The following PDS5A variants were observed in gnomAD, a reference collection of about 807,000 sequenced individuals.
The protein encoded by PDS5A is sister chromatid cohesion protein PDS5 homolog A.
In PDS5A, 42 loss-of-function variants were observed where a neutral mutation model predicts 167.1. The observed-to-expected ratio is 0.25, with a 90% confidence interval of 0.20 to 0.33. The LOEUF (loss-of-function observed/expected upper bound fraction) is 0.33. PDS5A is among the 10% of genes least tolerant of loss of function. The pLI, the probability that PDS5A is intolerant of heterozygous loss-of-function variation, is 1.00. For missense variants in PDS5A, 1,033 were observed against 1,605.9 expected (o/e 0.64, Z 6.10); for synonymous variants, 553 against 554.6 (o/e 1.00, Z 0.04).
chr4:39,838,232 A>G (rs1474392058), intron 31 of PDS5A, 24 bp from the exon 32 acceptor site: 3 of 1,390,368 alleles, frequency 2.2e-6, no homozygotes, highest in South Asian at 2.8e-5. Flanking sequence ...AAACAATTCT[A>G]TAAACACAAA....
At chr4:39,868,363 C>T (rs1719733344) in intron 22 of PDS5A, among the ~76,000 whole-genome samples, 1 of 152,112 alleles carries the variant, frequency 6.6e-6, no homozygotes, top group Non-Finnish European at 1.5e-5. Context: ...GAGTTTCACT[C>T]TGTTGCCCAA....
intron 9 of PDS5A, among the ~76,000 whole-genome samples, chr4:39,912,973 A>G (rs1439833637): frequency 6.6e-6 from 1 of 152,210 alleles, no homozygotes; most frequent in African/African-American, 2.4e-5. Flanking sequence ...AAAAGTTGGT[A>G]GGCTGACAAA....
intron 2 of PDS5A, among the ~76,000 whole-genome samples, chr4:39,942,992 A>G (rs762484409): frequency 6.6e-6 from 1 of 152,108 alleles, no homozygotes; most frequent in Admixed American, 6.6e-5. Context: ...ACACTAAGAC[A>G]TATGTACAAG....
At chr4:39,875,281 C>T (rs1020939172) in intron 19 of PDS5A, among the ~76,000 whole-genome samples, 1 of 151,764 alleles carries the variant, frequency 6.6e-6, no homozygotes, top group African/African-American at 2.4e-5. Context: ...AAAAAATAGA[C>T]AAACACATCT....
Position 39,920,346 on chromosome 4 carries a change from G to A in PDS5A, c.708C>T (p.Val236=). 1 of 1,546,458 alleles carries A rather than the reference G, an allele frequency of 6.5e-7. No homozygotes were observed. The highest frequency in any genetic ancestry group is 8.9e-7 in the Non-Finnish European group (1 of 1,122,404). ...TAGCAATGCATGCCTCAATAGTCTG[G>A]ACTGTTCTTTTCAATAGCACTTTTG... ...DLAKVLLKRT[V]QTIEACIANF... is the part of the protein sequence containing the mutation. Residue 236 remains valine (V), a synonymous_variant, in exon 7 of 33, where the codon GTC becomes GTT. Coordinates refer to ENST00000303538, the MANE Select transcript of PDS5A (RefSeq NM_001100399.2).
intron 2 of PDS5A, among the ~76,000 whole-genome samples, chr4:39,965,946 G>T (rs891953825): frequency 6.6e-6 from 1 of 152,118 alleles, no homozygotes; most frequent in South Asian, 2.1e-4. Flanking sequence ...TTTATGTTAT[G>T]TATATTTTAC....
At chr4:39,842,909 T>TTTTATATATATATATATATATATATATA (rs751901010) in intron 30 of PDS5A, among the ~76,000 whole-genome samples, 2 of 92,302 alleles carry the variant, frequency 2.2e-5, no homozygotes, top group Admixed American at 1.1e-4. Context: ...TATCCTATTT[T>TTTTATATATATATATATATATATATATA]TATATATATA....
Position 39,948,651 on chromosome 4 carries a change from G to T in PDS5A, c.139-20487C>A, listed in dbSNP as rs1169835395. On this transcript the variant is annotated intron_variant, in intron 2 of 32. Transcript: ENST00000303538. ...TTTTTTTTTTTTTTTTAAAGACCGA[G>T]TCTCACTCTGCTGCCCAGGCTGGAG... Among the ~76,000 whole-genome samples, 24 of 137,062 alleles carry T rather than the reference G, an allele frequency of 1.8e-4. No individual in the cohort carries two copies. In the Admixed American group the frequency reaches 1.9e-3, roughly 11 times the overall value. 89.9% of individuals were successfully genotyped at this position (137,062 alleles called of 152,430 possible).
At chr4:39,901,266 CTTTTTT>C (rs772230554) in intron 13 of PDS5A, among the ~76,000 whole-genome samples, 12 of 121,290 alleles carry the variant, frequency 9.9e-5, no homozygotes, top group African/African-American at 3.8e-4. Context: ...TCTTTTCTTT[CTTTTTT>C]TTTTTTTTTT....
chr4:39,969,228 A>C (rs1157603685), intron 2 of PDS5A, among the ~76,000 whole-genome samples: 1 of 152,216 alleles, frequency 6.6e-6, no homozygotes, highest in African/African-American at 2.4e-5. Flanking sequence ...GCTTTAGGTG[A>C]CTAGCGTTGT....
intron 32 of PDS5A, 55 bp from the exon 33 acceptor site, chr4:39,825,543 C>T: frequency 3.8e-6 from 5 of 1,323,630 alleles, no homozygotes; most frequent in Non-Finnish European, 5.1e-6. Flanking sequence ...AGATATAAAC[C>T]AAACGAAAAT....
intron 7 of PDS5A, among the ~76,000 whole-genome samples, chr4:39,918,136 C>A (rs1724565730): frequency 6.9e-6 from 1 of 145,102 alleles, no homozygotes. Context: ...GTTGTGATCA[C>A]ACCATTGCAC....
intron 13 of PDS5A, among the ~76,000 whole-genome samples, chr4:39,901,257 C>CT (rs1722855457): frequency 7.4e-6 from 1 of 136,016 alleles, no homozygotes; most frequent in South Asian, 2.4e-4. Flanking sequence ...GTCTTTTTTT[C>CT]TTTTCTTTCT....
At chr4:39,903,282 A>G (rs1191270096) in intron 12 of PDS5A, among the ~76,000 whole-genome samples, 1 of 152,210 alleles carries the variant, frequency 6.6e-6, no homozygotes, top group East Asian at 1.9e-4. Context: ...TGTTCTCTCC[A>G]TGATCTAAAT....
At chr4:39,891,497 A>T (rs554943848) in intron 16 of PDS5A, among the ~76,000 whole-genome samples, 1 of 151,784 alleles carries the variant, frequency 6.6e-6, no homozygotes, top group Non-Finnish European at 1.5e-5. Context: ...AAAAATACAA[A>T]ATCAGCCGGG....
At chr4:39,863,180 G>T in intron 24 of PDS5A, 107 bp from the exon 25 acceptor site, 1 of 953,914 alleles carries the variant, frequency 1.0e-6, no homozygotes, top group Non-Finnish European at 1.6e-6. Context: ...TTATATGGGA[G>T]AATAAATAAT....
rs149887130 is a variant in PDS5A, at chr4:39,922,612, C to T, written c.654+10G>A. The T allele has an allele frequency of 8.7e-4, 1,349 of 1,543,966 alleles. 10 individuals carry two copies. In the African/African-American group the frequency reaches 0.016, roughly 18 times the overall value. On this transcript the variant is annotated intron_variant, in intron 6 of 32. Coordinates refer to ENST00000303538, the MANE Select transcript of PDS5A (RefSeq NM_001100399.2). ...AACATTAACCTTGAATATCTTCATACTTTACAGACCTTATGTGCAGGAATG... is the reference window on the plus strand; with the variant it reads ...AACATTAACCTTGAATATCTTCATATTTTACAGACCTTATGTGCAGGAATG...
intron 32 of PDS5A, 52 bp from the exon 33 acceptor site, chr4:39,825,540 A>C: frequency 7.3e-7 from 1 of 1,361,698 alleles, no homozygotes; most frequent in Non-Finnish European, 1.0e-6. Flanking sequence ...AGAAGATATA[A>C]ACCAAACGAA....
intron 2 of PDS5A, among the ~76,000 whole-genome samples, chr4:39,972,650 C>A (rs1455498985): frequency 6.6e-6 from 1 of 151,314 alleles, no homozygotes; most frequent in African/African-American, 2.4e-5. Context: ...CAGGCATGAG[C>A]CCCTGTACCC....
Sources: allele counts gnomAD v4.1 joint callset (sites outside exome capture counted in the v4.1 genomes callset), GRCh38; gene constraint gnomAD v4.1.1; transcripts MANE v1.5; gene names NCBI Gene and HGNC (gene_info 2026-07-23, HGNC 2026-07-21).